PSD3: variants seen among roughly 807,000 people sequenced by gnomAD.
PSD3 encodes pleckstrin and Sec7 domain containing 3, also known as PH and SEC7 domain-containing protein 3.
In PSD3, 49 loss-of-function variants were observed where a neutral mutation model predicts 105.5. The observed-to-expected ratio is 0.46, with a 90% CI of 0.37 to 0.59. The LOEUF is 0.59. PSD3 is among the 20% of genes least tolerant of loss of function. PSD3 has a pLI of 0.00. For missense variants in PSD3, 1,561 were observed against 1,263.8 expected, an observed-to-expected ratio of 1.24 and a Z score of -3.57; for synonymous variants, 557 against 457.8, an observed-to-expected ratio of 1.22 and a Z score of -2.77.
chr8:18,578,442 T>C (rs1344984407), intron 12 of PSD3, among the ~76,000 whole-genome samples: 1 of 152,124 alleles, frequency 6.6e-6, no homozygotes, highest in Non-Finnish European at 1.5e-5. Flanking sequence ...TTTGTTACAA[T>C]ACCCTCCTGG....
intron 11 of PSD3, among the ~76,000 whole-genome samples, chr8:18,616,138 C>A (rs901054184): frequency 6.6e-6 from 1 of 152,254 alleles, no homozygotes; most frequent in African/African-American, 2.4e-5. Flanking sequence ...TTACCACTCA[C>A]GCGCAGGAGC....
intron 9 of PSD3, among the ~76,000 whole-genome samples, chr8:18,747,904 G>A (rs947870820): frequency 1.3e-4 from 20 of 152,128 alleles, no homozygotes; most frequent in Non-Finnish European, 2.5e-4. Flanking sequence ...GGTTTCGGTG[G>A]AAGGTGGGAA....
intron 1 of PSD3, among the ~76,000 whole-genome samples, chr8:19,080,866 C>G (rs7813578): frequency 1.3e-5 from 2 of 152,106 alleles, no homozygotes; most frequent in Non-Finnish European, 2.9e-5. Context: ...TGCTTATATA[C>G]CAAAAGTCAC....
intron 4 of PSD3, among the ~76,000 whole-genome samples, chr8:18,822,106 A>C (rs2129449511): frequency 6.6e-6 from 1 of 152,206 alleles, no homozygotes; most frequent in East Asian, 1.9e-4. Context: ...TTTACTTCCT[A>C]TTTACTTTCT....
In PSD3 at chr8:18,792,199, G is replaced by C. The variant is rs148498389; in HGVS notation, c.2082+7096C>G. ...AGAACCAGAAATACCATTTGACCTAGCAATCCCATTACTGGGTATATATGT... is the reference window on the plus strand; with the variant it reads ...AGAACCAGAAATACCATTTGACCTACCAATCCCATTACTGGGTATATATGT... On this transcript the variant is annotated intron_variant, in intron 8 of 15. Transcript: ENST00000327040. Among the ~76,000 whole-genome samples the C allele has an allele frequency of 2.4e-3, 368 of 152,188 alleles. 1 individual carries two copies. Among genetic ancestry groups the C allele is most frequent in the African/African-American group, 8.4e-3 (348 of 41,502 alleles).
intron 3 of PSD3, among the ~76,000 whole-genome samples, chr8:18,868,373 G>A (rs141582693): frequency 2.5e-4 from 38 of 152,136 alleles, no homozygotes; most frequent in Middle Eastern, 3.4e-3. Flanking sequence ...CAAATATACC[G>A]TACACATTCA....
chr8:19,059,075 C>T (rs894928897), intron 1 of PSD3, among the ~76,000 whole-genome samples: 9 of 152,314 alleles, frequency 5.9e-5, no homozygotes, highest in East Asian at 1.9e-4. Flanking sequence ...TGAGGCTGAA[C>T]GCTGCCCATG....
chr8:18,736,382 A>T (rs750436126), intron 9 of PSD3, among the ~76,000 whole-genome samples: 11 of 152,230 alleles, frequency 7.2e-5, no homozygotes, highest in Non-Finnish European at 1.6e-4. Flanking sequence ...ACACTAGAAT[A>T]ATGCCTGGCA....
At chr8:18,857,839 T>C (rs888869167) in intron 4 of PSD3, among the ~76,000 whole-genome samples, 1 of 152,190 alleles carries the variant, frequency 6.6e-6, no homozygotes, top group Non-Finnish European at 1.5e-5. Flanking sequence ...TCAGTGTGTG[T>C]GATTTTTAAG....
chr8:18,918,147 T>C (rs1639989707), intron 2 of PSD3, among the ~76,000 whole-genome samples: 1 of 152,208 alleles, frequency 6.6e-6, no homozygotes, highest in Non-Finnish European at 1.5e-5. Context: ...ATTCATAACC[T>C]AGTCCCTGCC....
intron 9 of PSD3, among the ~76,000 whole-genome samples, chr8:18,673,131 A>C (rs146207432): frequency 1.3e-5 from 2 of 152,038 alleles, no homozygotes; most frequent in African/African-American, 4.8e-5. Context: ...TTTCAATATG[A>C]TCTATTGACT....
In PSD3 at chr8:18,530,286, G is replaced by T. The variant is rs948750040; in HGVS notation, c.*5457C>A. On this transcript the variant is annotated 3_prime_UTR_variant, in exon 16 of 16. Coordinates refer to ENST00000327040, the MANE Select transcript of PSD3 (RefSeq NM_015310.4). ...CTTCTTTGGGGAGAGGCAGGAAAAA[G>T]AGACCTAAGTATAAAAATATTTAAA... is the stretch of plus-strand genomic sequence containing the variant. 6.6e-6 allele frequency: 1 copy of T among 152,574 alleles called. No individual in the cohort carries two copies. The highest frequency in any genetic ancestry group is 6.5e-5 in the Admixed American group (1 of 15,274). The allele number at this position is 152,574 out of a possible 1,614,324, so 9.5% of individuals were successfully genotyped here. A position where few individuals can be genotyped will look rare whatever the true frequency, so the allele number is the denominator to read the frequency against.
chr8:18,776,970 T>C (rs1808160287), intron 8 of PSD3, among the ~76,000 whole-genome samples: 1 of 152,130 alleles, frequency 6.6e-6, no homozygotes, highest in East Asian at 1.9e-4. Context: ...GTATCAGTAG[T>C]TATGTCTCTT....
chr8:18,885,421 T>C (rs1818392246), intron 2 of PSD3, among the ~76,000 whole-genome samples: 1 of 152,222 alleles, frequency 6.6e-6, no homozygotes, highest in South Asian at 2.1e-4. Flanking sequence ...TTCGTATATA[T>C]GTAGGAAATA....
At chr8:18,630,057 A>G (rs914020633) in intron 11 of PSD3, among the ~76,000 whole-genome samples, 1 of 151,870 alleles carries the variant, frequency 6.6e-6, no homozygotes, top group Admixed American at 6.6e-5. Flanking sequence ...AAAGCAACTG[A>G]CAGGAAAGAA....
At chr8:18,696,787 G>A (rs1801283552) in intron 9 of PSD3, among the ~76,000 whole-genome samples, 1 of 152,160 alleles carries the variant, frequency 6.6e-6, no homozygotes, top group Non-Finnish European at 1.5e-5. Context: ...CATCATTAGA[G>A]CTGGGGAAAA....
intron 2 of PSD3, among the ~76,000 whole-genome samples, chr8:18,927,056 T>C (rs985983744): frequency 6.6e-6 from 1 of 152,112 alleles, no homozygotes; most frequent in African/African-American, 2.4e-5. Context: ...ATTTACTGGC[T>C]TATTATAAAG....
intron 9 of PSD3, among the ~76,000 whole-genome samples, chr8:18,698,623 C>A (rs543852613): frequency 1.3e-5 from 2 of 152,290 alleles, no homozygotes; most frequent in African/African-American, 4.8e-5. Flanking sequence ...CCATTTTGGA[C>A]TTCTGACCTT....
chr8:18,559,967 A>G (rs556258988), intron 14 of PSD3, among the ~76,000 whole-genome samples: 1 of 152,288 alleles, frequency 6.6e-6, no homozygotes, highest in Non-Finnish European at 1.5e-5. Flanking sequence ...GCTGATGTTC[A>G]ATGAGAAATG....
Sources: gnomAD v4.1 joint callset for allele counts (sites outside exome capture counted in the v4.1 genomes callset) on GRCh38, gnomAD v4.1.1 for gene constraint, MANE v1.5 for transcripts, NCBI Gene and HGNC (gene_info 2026-07-23, HGNC 2026-07-21) for gene names.